The following PRTG variants were observed in gnomAD, a reference collection of about 807,000 sequenced individuals.
The protein encoded by PRTG is protogenin, also known as immunoglobulin superfamily, DCC subclass, member 5.
PRTG carries 67 observed loss-of-function variants against 122.5 expected under a neutral mutation model. The ratio of observed to expected loss-of-function variants is 0.55; its 90% CI spans 0.45 to 0.67. The LOEUF (loss-of-function observed/expected upper bound fraction) is 0.67, where lower values mean the gene tolerates loss of function less well. Ranked by LOEUF, PRTG falls within the 30% of genes least tolerant of loss-of-function variation. The pLI is 0.00. For missense variants in PRTG, 1,435 were observed against 1,415.4 expected (o/e 1.01, Z -0.22); for synonymous variants, 554 against 501.1 (o/e 1.11, Z -1.41).
At chr15:55,658,989 C>T (rs1419365914) in intron 11 of PRTG, among the ~76,000 whole-genome samples, 2 of 152,154 alleles carry the variant, frequency 1.3e-5, no homozygotes, top group Non-Finnish European at 2.9e-5. Flanking sequence ...CTACTGTGTG[C>T]ACAGGTTTCA....
At chr15:55,631,138 A>T (rs1482559360) in intron 15 of PRTG, among the ~76,000 whole-genome samples, 1 of 152,104 alleles carries the variant, frequency 6.6e-6, no homozygotes, top group Non-Finnish European at 1.5e-5. Context: ...AGAGAGTGTG[A>T]GCTACTTGAG....
At chr15:55,710,618 T>C (rs1209331928) in intron 2 of PRTG, among the ~76,000 whole-genome samples, 3 of 152,196 alleles carry the variant, frequency 2.0e-5, no homozygotes, top group Non-Finnish European at 4.4e-5. Context: ...TCTAGGATAT[T>C]CACTACAGGA....
chr15:55,664,949 C>T (rs1022337053), intron 11 of PRTG, among the ~76,000 whole-genome samples: 15 of 151,846 alleles, frequency 9.9e-5, no homozygotes, highest in African/African-American at 3.6e-4. Context: ...AGTTAGGTGA[C>T]GTATCACAGA....
chr15:55,718,090 C>A (rs1241530486), intron 2 of PRTG, among the ~76,000 whole-genome samples: 1 of 152,112 alleles, frequency 6.6e-6, no homozygotes, highest in African/African-American at 2.4e-5. Flanking sequence ...TTTTTACTCT[C>A]TTCTCCAACC....
chr15:55,712,282 G>A (rs1158708185), intron 2 of PRTG, among the ~76,000 whole-genome samples: 1 of 152,174 alleles, frequency 6.6e-6, no homozygotes, highest in Non-Finnish European at 1.5e-5. Flanking sequence ...TGAAATGGTT[G>A]GTCAGAGTTC....
intron 14 of PRTG, among the ~76,000 whole-genome samples, 168 bp from the exon 15 acceptor site, chr15:55,637,508 T>A (rs1425417890): frequency 2.6e-5 from 4 of 152,234 alleles, no homozygotes; most frequent in Admixed American, 6.5e-5. Flanking sequence ...TTTTTCTTCT[T>A]GTATTTTCAT....
chr15:55,686,852 C>A (rs902467599), intron 2 of PRTG, among the ~76,000 whole-genome samples: 1 of 152,192 alleles, frequency 6.6e-6, no homozygotes. Context: ...CCTTTGTCCA[C>A]CTGATGAAAT....
intron 2 of PRTG, among the ~76,000 whole-genome samples, chr15:55,736,214 C>G (rs570808329): frequency 9.9e-5 from 15 of 152,122 alleles, no homozygotes; most frequent in Middle Eastern, 6.8e-3. Flanking sequence ...TGAATAGGCA[C>G]GCAGGTAAGA....
In PRTG at chr15:55,675,582, C is replaced by T. The variant is rs1479403968; in HGVS notation, c.1483G>A (p.Ala495Thr). 1.9e-6 allele frequency: 3 copies of T among 1,611,706 alleles called. No homozygotes were observed. The highest frequency in any genetic ancestry group is 2.5e-6 in the Non-Finnish European group (3 of 1,178,160). The part of the protein sequence containing the change: ...PASNYTFYIV[A>T]YMPMGASQMS... The stretch of plus-strand genomic sequence containing the variant: ...TGGCTGGCTCCCATTGGCATATATG[C>T]TACAATGTAGAAAGTATAATTGCTG... The change falls in exon 9 of 20, where the codon GCA (alanine) becomes ACA (threonine). Residue 495 changes from alanine (A) to threonine (T), a missense_variant. Physicochemically the swap from Ala to Thr is moderately conservative, Grantham distance 58. Transcript: ENST00000389286.
intron 11 of PRTG, among the ~76,000 whole-genome samples, chr15:55,657,944 T>C (rs1237052396): frequency 6.6e-6 from 1 of 152,220 alleles, no homozygotes; most frequent in Non-Finnish European, 1.5e-5. Context: ...CTTAATACCA[T>C]CACACGGAGA....
At chr15:55,639,439 T>C (rs1438439139) in intron 13 of PRTG, among the ~76,000 whole-genome samples, 1 of 152,186 alleles carries the variant, frequency 6.6e-6, no homozygotes, top group Non-Finnish European at 1.5e-5. Context: ...AAAAATCACT[T>C]ACATAAATTA....
intron 2 of PRTG, among the ~76,000 whole-genome samples, chr15:55,732,010 T>C (rs1248364770): frequency 6.6e-6 from 1 of 152,172 alleles, no homozygotes; most frequent in Admixed American, 6.5e-5. Flanking sequence ...CAGCATGTAA[T>C]GGTACTGAAA....
intron 2 of PRTG, among the ~76,000 whole-genome samples, chr15:55,730,354 G>A (rs1442239676): frequency 6.6e-6 from 1 of 151,960 alleles, no homozygotes; most frequent in Non-Finnish European, 1.5e-5. Context: ...CTCCCACCTC[G>A]GCCTCCCAAA....
At chr15:55,646,617 C>T (rs1485022210) in intron 11 of PRTG, among the ~76,000 whole-genome samples, 2 of 152,188 alleles carry the variant, frequency 1.3e-5, no homozygotes, top group African/African-American at 2.4e-5. Flanking sequence ...CCACTGCACC[C>T]GGCTGTCACT....
intron 15 of PRTG, among the ~76,000 whole-genome samples, chr15:55,630,324 T>C (rs1318124348): frequency 2.0e-5 from 3 of 151,856 alleles, no homozygotes; most frequent in African/African-American, 7.3e-5. Context: ...GATTTCACCA[T>C]GTTGGCCAGG....
At chr15:55,644,500 C>T (rs1428702133) in intron 11 of PRTG, among the ~76,000 whole-genome samples, 1 of 152,112 alleles carries the variant, frequency 6.6e-6, no homozygotes, top group Non-Finnish European at 1.5e-5. Flanking sequence ...ACTTCTTATA[C>T]TAAATTTTAA....
chr15:55,723,393 A>T (rs1280980069), intron 2 of PRTG, among the ~76,000 whole-genome samples: 1 of 109,592 alleles, frequency 9.1e-6, no homozygotes, highest in East Asian at 2.1e-4. Flanking sequence ...ATAATGATCT[A>T]AAAAAAAAAA....
In PRTG at chr15:55,615,565, T is replaced by C. The variant is rs1204109764; in HGVS notation, c.*4447A>G. The C allele has an allele frequency of 1.3e-5, 2 of 152,130 alleles. No individual in the cohort carries two copies. Among genetic ancestry groups the C allele is most frequent in the Non-Finnish European group, 2.9e-5 (2 of 68,002 alleles). 9.4% of individuals were successfully genotyped at this position (152,130 alleles called of 1,614,324 possible). The stretch of plus-strand genomic sequence containing the variant: ...CAATTAGACAACTGGTTGTATATGG[T>C]AGTCTCCAGAACCTGCTACTCAGTG... On this transcript the variant is annotated 3_prime_UTR_variant, in exon 20 of 20. Coordinates refer to ENST00000389286, the MANE Select transcript of PRTG (RefSeq NM_173814.6).
intron 11 of PRTG, among the ~76,000 whole-genome samples, chr15:55,649,712 A>T (rs961874730): frequency 2.6e-5 from 4 of 152,110 alleles, no homozygotes; most frequent in Non-Finnish European, 4.4e-5. Flanking sequence ...GAATCGCTTC[A>T]AACTGGGAGG....
Sources: gnomAD v4.1 joint callset for allele counts (sites outside exome capture counted in the v4.1 genomes callset) on GRCh38, gnomAD v4.1.1 for gene constraint, MANE v1.5 for transcripts, NCBI Gene and HGNC (gene_info 2026-07-23, HGNC 2026-07-21) for gene names.